Variants in SLC35F4 observed in about 807,000 individuals in gnomAD.
SLC35F4 encodes solute carrier family 35 member F4, also known as chromosome 14 open reading frame 36.
A neutral mutation model predicts 44.2 loss-of-function variants in SLC35F4; 24 were observed. The ratio of observed to expected loss-of-function variants is 0.54; its 90% CI spans 0.39 to 0.76. The LOEUF (loss-of-function observed/expected upper bound fraction) is 0.76, where lower values mean the gene tolerates loss of function less well. SLC35F4 is among the 30% of genes least tolerant of loss of function. SLC35F4 has a pLI of 0.00. For missense variants in SLC35F4, 562 were observed against 586.1 expected (o/e 0.96, Z 0.42); for synonymous variants, 238 against 223.6 (o/e 1.06, Z -0.57).
At chr14:57,682,458 C>T (rs1172152018) in intron 1 of SLC35F4, among the ~76,000 whole-genome samples, 1 of 151,962 alleles carries the variant, frequency 6.6e-6, no homozygotes, top group Non-Finnish European at 1.5e-5. Flanking sequence ...AATATATGGA[C>T]ACAGGGAGCG....
chr14:57,644,539 G>A (rs866704973), intron 1 of SLC35F4, among the ~76,000 whole-genome samples: 33 of 151,714 alleles, frequency 2.2e-4, no homozygotes, highest in African/African-American at 5.3e-4. Flanking sequence ...AGTAGGTTGC[G>A]AAAATTTTCT....
intron 1 of SLC35F4, among the ~76,000 whole-genome samples, chr14:57,638,849 G>A (rs978516723): frequency 1.4e-4 from 21 of 152,006 alleles, no homozygotes; most frequent in African/African-American, 3.9e-4. Context: ...TAGGTCAGAG[G>A]TCCCCTATCA....
At chr14:57,960,786 G>A (rs1296957093) in intron 1 of SLC35F4, among the ~76,000 whole-genome samples, 5 of 152,186 alleles carry the variant, frequency 3.3e-5, no homozygotes, top group African/African-American at 9.7e-5. Context: ...TTAGAGTGAG[G>A]ACAGAGGCCA....
chr14:57,607,577 T>A (rs1018268901), intron 1 of SLC35F4, among the ~76,000 whole-genome samples: 2 of 152,200 alleles, frequency 1.3e-5, no homozygotes, highest in Non-Finnish European at 2.9e-5. Flanking sequence ...AATCCTGCTG[T>A]CCCTTCAAAG....
chr14:57,954,266 C>T (rs1251435835), intron 1 of SLC35F4, among the ~76,000 whole-genome samples: 1 of 152,176 alleles, frequency 6.6e-6, no homozygotes, highest in African/African-American at 2.4e-5. Flanking sequence ...CACTGGGACA[C>T]AGCCAAAGCA....
intron 1 of SLC35F4, among the ~76,000 whole-genome samples, chr14:57,971,610 C>G (rs1340342958): frequency 1.3e-5 from 2 of 152,114 alleles, no homozygotes; most frequent in African/African-American, 4.8e-5. Context: ...ACCTGGAGGA[C>G]TATGCTAAGT....
intron 1 of SLC35F4, among the ~76,000 whole-genome samples, chr14:57,918,062 G>A (rs1270492242): frequency 6.6e-6 from 1 of 152,184 alleles, no homozygotes; most frequent in Non-Finnish European, 1.5e-5. Flanking sequence ...TGAGGATCTG[G>A]TATAATAGTT....
At chr14:57,667,216 G>A (rs1166449325) in intron 1 of SLC35F4, among the ~76,000 whole-genome samples, 1 of 151,856 alleles carries the variant, frequency 6.6e-6, no homozygotes, top group African/African-American at 2.4e-5. Context: ...AGGGGAGGGA[G>A]GGAAGGAGAA....
Position 57,676,288 on chromosome 14 carries a change from G to T in SLC35F4, c.104-82164C>A, listed in dbSNP as rs1201270353. On this transcript the variant is annotated intron_variant, in intron 1 of 7. Transcript: ENST00000556826. The stretch of plus-strand genomic sequence containing the variant: ...AGATCATGTCCTTTGCAGCAACATG[G>T]ATAGATCTGGAAGCCATTAACCTCA... 3.9e-5 allele frequency among the ~76,000 whole-genome samples: 6 copies of T among 152,090 alleles called. 1 individual carries two copies. The highest frequency in any genetic ancestry group is 1.5e-4 in the African/African-American group (6 of 41,370).
chr14:57,871,707 G>T (rs926614194), intron 1 of SLC35F4, among the ~76,000 whole-genome samples: 10 of 152,178 alleles, frequency 6.6e-5, no homozygotes, highest in Non-Finnish European at 1.2e-4. Flanking sequence ...CCTTGTGGTT[G>T]TAGTGGGGCT....
At chr14:57,835,300 A>C (rs752649771) in intron 1 of SLC35F4, among the ~76,000 whole-genome samples, 1 of 152,232 alleles carries the variant, frequency 6.6e-6, no homozygotes, top group Non-Finnish European at 1.5e-5. Flanking sequence ...GAGTCCTTGC[A>C]GTTCACAAGC....
chr14:57,684,325 C>T (rs1442098114), intron 1 of SLC35F4, among the ~76,000 whole-genome samples: 1 of 152,138 alleles, frequency 6.6e-6, no homozygotes, highest in Non-Finnish European at 1.5e-5. Context: ...GCAGCAGTCC[C>T]CACACTTTTT....
chr14:57,771,020 A>G (rs1213588478), intron 1 of SLC35F4, among the ~76,000 whole-genome samples: 1 of 152,198 alleles, frequency 6.6e-6, no homozygotes, highest in Non-Finnish European at 1.5e-5. Flanking sequence ...GCCTTCCCCC[A>G]TGGAATTCTC....
At chr14:57,837,120 G>A (rs1038514270) in intron 1 of SLC35F4, among the ~76,000 whole-genome samples, 1 of 152,170 alleles carries the variant, frequency 6.6e-6, no homozygotes, top group Non-Finnish European at 1.5e-5. Flanking sequence ...ATTGTCAGAA[G>A]GAGAAGGATT....
chr14:57,581,404 C>A lies in SLC35F4; in HGVS notation c.617G>T (p.Gly206Val). The A allele has an allele frequency of 6.2e-7, 1 of 1,611,770 alleles. No individual in the cohort carries two copies. The highest frequency in any genetic ancestry group is 1.1e-5 in the South Asian group (1 of 90,412). The change falls in exon 4 of 8, where the codon GGT becomes GTT. Residue 206 changes from glycine to valine, a missense_variant. Coordinates refer to ENST00000556826, the MANE Select transcript of SLC35F4 (RefSeq NM_001306087.2). ...RECSRIFGEDGLTLKLFLKRT... is the reference protein window; with the variant it reads ...RECSRIFGEDVLTLKLFLKRT... ...TTTAAGAAAGAGTTTCAGCGTCAGA[C>A]CATCTTCACCAAAAATCCGACTGCA... is the stretch of plus-strand genomic sequence containing the variant.
chr14:57,750,978 C>A (rs1041128928), intron 1 of SLC35F4, among the ~76,000 whole-genome samples: 2 of 152,150 alleles, frequency 1.3e-5, no homozygotes, highest in South Asian at 2.1e-4. Flanking sequence ...TTGTCTCACC[C>A]GCCCAGTCTC....
intron 1 of SLC35F4, among the ~76,000 whole-genome samples, chr14:57,778,188 C>T (rs1347002696): frequency 6.6e-6 from 1 of 152,190 alleles, no homozygotes; most frequent in Non-Finnish European, 1.5e-5. Context: ...TGACTTGCTC[C>T]TCCTTGCCTT....
chr14:57,648,227 A>T lies in SLC35F4; in HGVS notation c.104-54103T>A, dbSNP rs149263522. ...ATACATCATCATCATTCTTGATGGC[A>T]CAGAGGATGTTATAGCATGGAAAAT... On this transcript the variant is annotated intron_variant, in intron 1 of 7. Transcript: ENST00000556826. Among the ~76,000 whole-genome samples, 1,475 of 152,296 alleles carry T rather than the reference A, an allele frequency of 9.7e-3. 69 individuals are homozygous for T. The highest frequency in any genetic ancestry group is 0.089 in the Admixed American group (1,362 of 15,274).
intron 1 of SLC35F4, among the ~76,000 whole-genome samples, chr14:57,881,847 A>G (rs1453682823): frequency 6.6e-6 from 1 of 152,198 alleles, no homozygotes; most frequent in Admixed American, 6.5e-5. Flanking sequence ...TAACGTAAAT[A>G]GTCCCTATAG....
Sources: allele counts gnomAD v4.1 joint callset (sites outside exome capture counted in the v4.1 genomes callset), GRCh38; gene constraint gnomAD v4.1.1; transcripts MANE v1.5; gene names NCBI Gene and HGNC (gene_info 2026-07-23, HGNC 2026-07-21).